Variants in PADI2 observed in about 807,000 individuals in gnomAD.
PADI2 encodes peptidyl arginine deiminase 2, also known as protein-arginine deiminase type-2.
In PADI2, 70 loss-of-function variants were observed where a neutral mutation model predicts 81.1. The ratio of observed to expected loss-of-function variants is 0.86; its 90% CI spans 0.71 to 1.05. The LOEUF is 1.05. Ranked by LOEUF, PADI2 falls within the 50% of genes least tolerant of loss-of-function variation. The pLI, the probability that PADI2 is intolerant of heterozygous loss-of-function variation, is 0.00. For missense variants in PADI2, 853 were observed against 889.9 expected (o/e 0.96, Z 0.53); for synonymous variants, 338 against 358.0 (o/e 0.94, Z 0.63).
At chr1:17,079,789 A>C (rs1433330493) in intron 10 of PADI2, among the ~76,000 whole-genome samples, 3 of 121,844 alleles carry the variant, frequency 2.5e-5, no homozygotes, top group Admixed American at 8.7e-5. Context: ...CAGTTTCCCC[A>C]TCTGTTGTTG....
rs1206542233 is a variant in PADI2 at position 17,090,614 on chromosome 1, TG to T, written c.655+1793del. ...GTGTGTGTGTGTGTGTGTGTGTGTGTGTGTCTAAGAGTTTTCACCCAGTGAC... is the reference window on the plus strand; with the variant it reads ...GTGTGTGTGTGTGTGTGTGTGTGTGTTGTCTAAGAGTTTTCACCCAGTGAC... On this transcript the variant is annotated intron_variant, in intron 6 of 15. Coordinates refer to ENST00000375486, the MANE Select transcript of PADI2 (RefSeq NM_007365.3). Among the ~76,000 whole-genome samples the T allele has an allele frequency of 5.2e-4, 79 of 151,570 alleles. No homozygotes were observed. The East Asian group carries it at 0.015, about 29-fold the overall frequency.
rs182632005 is a variant in PADI2, at chr1:17,101,454, C to G, written c.349+1533G>C. ...CCTCAGGGACTGTCATCTGAGACTG[C>G]CTGGATGCTGTGTGCATGCAAGGTT... is the stretch of plus-strand genomic sequence containing the variant. On this transcript the variant is annotated intron_variant, in intron 3 of 15. Coordinates refer to ENST00000375486, the MANE Select transcript of PADI2 (RefSeq NM_007365.3). Among the ~76,000 whole-genome samples the G allele has an allele frequency of 5.6e-3, 854 of 152,252 alleles. 30 individuals carry two copies. Among genetic ancestry groups the G allele is most frequent in the Admixed American group, 0.053 (804 of 15,280 alleles).
Position 17,082,604 on chromosome 1 carries a change from C to T in PADI2, c.1099G>A (p.Val367Met), listed in dbSNP as rs1279407277. The change falls in exon 10 of 16, where the codon GTG becomes ATG. Residue 367 changes from valine to methionine, a missense_variant. Transcript: ENST00000375486. The part of the protein sequence containing the change: ...YIEAPHKGFP[V>M]VLDSPRDGNL... ...CCATCTCGGGGAGAGTCCAGCACCA[C>T]GGGGAAGCCTTTATGGGGGGCCTCG... is the stretch of plus-strand genomic sequence containing the variant. 33 of 1,611,864 alleles carry T rather than the reference C, an allele frequency of 2.0e-5. No individual in the cohort carries two copies. The highest frequency in any genetic ancestry group is 2.5e-5 in the Non-Finnish European group (29 of 1,179,368).
intron 7 of PADI2, among the ~76,000 whole-genome samples, chr1:17,085,099 G>A (rs1291286724): frequency 3.9e-5 from 6 of 152,304 alleles, no homozygotes; most frequent in South Asian, 2.1e-4. Context: ...ATCGCCCCAC[G>A]CAACAGCTGA....
At chr1:17,109,273 A>G (rs1276062646) in intron 1 of PADI2, among the ~76,000 whole-genome samples, 1 of 150,808 alleles carries the variant, frequency 6.6e-6, no homozygotes, top group Non-Finnish European at 1.5e-5. Context: ...CTGTAGTCCC[A>G]GCTACTCGGG....
intron 13 of PADI2, among the ~76,000 whole-genome samples, chr1:17,072,659 T>A (rs1489520960): frequency 6.6e-6 from 1 of 152,162 alleles, no homozygotes; most frequent in Non-Finnish European, 1.5e-5. Context: ...CAGGAGATAA[T>A]GTTTCACTCC....
chr1:17,108,627 C>T (rs1314611437), intron 1 of PADI2, among the ~76,000 whole-genome samples: 3 of 151,984 alleles, frequency 2.0e-5, no homozygotes, highest in African/African-American at 7.2e-5. Context: ...GGAAGGTAAG[C>T]CGTTCCCAAG....
intron 3 of PADI2, 61 bp from the exon 4 acceptor site, chr1:17,096,031 G>A: frequency 7.5e-7 from 1 of 1,333,360 alleles, no homozygotes; most frequent in Non-Finnish European, 1.1e-6. Flanking sequence ...GCAGGGGCAA[G>A]AGGAAGACCT....
At position 17,069,029 on chromosome 1, in the gene PADI2, AG is replaced by A; in HGVS notation, c.*14del. ...GAACTAAGCGAAGGAGGCAAACGCC[AG>A]GGCCCCTGGCAGGTCAGGGCACCAT... On this transcript the variant is annotated 3_prime_UTR_variant, in exon 16 of 16. Transcript: ENST00000375486. 9.4e-6 allele frequency: 15 copies of A among 1,592,766 alleles called. No homozygotes were observed. The highest frequency in any genetic ancestry group is 1.3e-5 in the Non-Finnish European group (15 of 1,160,558).
chr1:17,092,304 C>G, intron 6 of PADI2, 104 bp downstream of exon 6: 2 of 912,760 alleles, frequency 2.2e-6, no homozygotes, highest in Non-Finnish European at 3.3e-6. Context: ...AGAGACCAAT[C>G]CAGGTCTTCC....
At position 17,105,001 on chromosome 1, in the gene PADI2, C is replaced by G. The variant is rs201441508; in HGVS notation, c.153G>C (p.Glu51Asp). The change falls in exon 2 of 16, where the codon GAG (glutamate) becomes GAC (aspartate). Residue 51 changes from glutamate (E) to aspartate (D), a missense_variant. Physicochemically the swap from Glu to Asp is conservative, Grantham distance 45. Coordinates refer to ENST00000375486, the MANE Select transcript of PADI2 (RefSeq NM_007365.3). Reference sequence around the variant, plus strand: ...CCTCAGCCTCCCCATCACGCACCACCTCCACCCACACGTGTTCCGAGTGCT... The same window carrying G: ...CCTCAGCCTCCCCATCACGCACCACGTCCACCCACACGTGTTCCGAGTGCT... The part of the protein sequence containing the change: ...SLKHSEHVWV[E>D]VVRDGEAEEV... 4.4e-5 allele frequency: 71 copies of G among 1,610,026 alleles called. 1 individual carries two copies. Among genetic ancestry groups the G allele is most frequent in the Middle Eastern group, 3.3e-4 (2 of 5,998 alleles).
intron 7 of PADI2, among the ~76,000 whole-genome samples, chr1:17,085,179 G>A (rs866201384): frequency 3.9e-5 from 6 of 152,300 alleles, no homozygotes; most frequent in African/African-American, 9.6e-5. Flanking sequence ...GCATTTTCGC[G>A]TTGTTTTGGG....
At chr1:17,097,478 T>C (rs1311697611) in intron 3 of PADI2, among the ~76,000 whole-genome samples, 3 of 152,192 alleles carry the variant, frequency 2.0e-5, no homozygotes, top group African/African-American at 7.2e-5. Flanking sequence ...AGTTAGGTGC[T>C]GTAAGGCATA....
At chr1:17,096,079 C>T (rs190336655) in intron 3 of PADI2, 109 bp from the exon 4 acceptor site, 11 of 779,008 alleles carry the variant, frequency 1.4e-5, no homozygotes, top group South Asian at 5.6e-5. Context: ...CATTTGGTCA[C>T]GGGAAAGAGA....
intron 9 of PADI2, 169 bp from the exon 10 acceptor site, chr1:17,082,821 G>C (rs1570984205): frequency 1.8e-6 from 1 of 557,420 alleles, no homozygotes; most frequent in East Asian, 3.2e-5. Flanking sequence ...CAGCACAGGT[G>C]TCCATAGGCA....
chr1:17,102,883 T>C, intron 3 of PADI2, 104 bp downstream of exon 3: 1 of 790,056 alleles, frequency 1.3e-6, no homozygotes, highest in South Asian at 1.5e-5. Context: ...AAGCTCCAAG[T>C]GCCAGGTCAG....
intron 3 of PADI2, among the ~76,000 whole-genome samples, chr1:17,099,034 G>T (rs546322783): frequency 6.6e-6 from 1 of 152,218 alleles, no homozygotes; most frequent in South Asian, 2.1e-4. Context: ...GCCCCAAGGC[G>T]TCAGGTGGCT....
chr1:17,100,951 C>T lies in PADI2; in HGVS notation c.349+2036G>A, dbSNP rs150041318. ...TTGGGATTACAGGCGTGAGACACCG[C>T]GCCTGGCCACAAATTGTTTTATTGA... is the stretch of plus-strand genomic sequence containing the variant. On this transcript the variant is annotated intron_variant, in intron 3 of 15. Coordinates refer to ENST00000375486, the MANE Select transcript of PADI2 (RefSeq NM_007365.3). 3.3e-3 allele frequency among the ~76,000 whole-genome samples: 501 copies of T among 152,160 alleles called. 1 individual carries two copies. The highest frequency in any genetic ancestry group is 0.011 in the African/African-American group (472 of 41,488).
intron 6 of PADI2, among the ~76,000 whole-genome samples, chr1:17,087,775 G>A (rs1251826542): frequency 6.6e-6 from 1 of 152,212 alleles, no homozygotes; most frequent in Non-Finnish European, 1.5e-5. Context: ...CAAAGTGCTG[G>A]GATTACAGGT....
Sources: allele counts gnomAD v4.1 joint callset (sites outside exome capture counted in the v4.1 genomes callset), GRCh38; gene constraint gnomAD v4.1.1; transcripts MANE v1.5; gene names NCBI Gene and HGNC (gene_info 2026-07-23, HGNC 2026-07-21).